The following RAPSN variants were observed in gnomAD, a reference collection of about 807,000 sequenced individuals.
The protein encoded by RAPSN is 43 kDa receptor-associated protein of the synapse.
RAPSN carries 33 observed loss-of-function variants against 45.7 expected under a neutral mutation model. The observed-to-expected ratio is 0.72, with a 90% CI of 0.55 to 0.97. The LOEUF (loss-of-function observed/expected upper bound fraction) is 0.97. Among genes scored for constraint, RAPSN ranks in the 50% least tolerant of loss-of-function variants. The pLI is 0.00. For missense variants in RAPSN, 519 were observed against 559.4 expected (o/e 0.93, Z 0.73); for synonymous variants, 244 against 233.6 (o/e 1.04, Z -0.40).
In RAPSN at chr11:47,441,842, C is replaced by T. The variant is rs200066826; in HGVS notation, c.770G>A (p.Arg257Gln). The T allele has an allele frequency of 3.0e-5, 47 of 1,588,916 alleles. No homozygotes were observed. Among genetic ancestry groups the T allele is most frequent in the African/African-American group, 1.9e-4 (14 of 74,768 alleles). ...LCLLCFADIH[R>Q]SRGDLETAFP... ...CCTCACCTCCAGGTCCCCACGGCTC[C>T]GGTGGATGTCAGCGAAGCAGAGCAG... The change falls in exon 4 of 8, where the codon CGG becomes CAG. Residue 257 changes from arginine (R) to glutamine (Q), a missense_variant. Physicochemically the swap from Arg to Gln is conservative, Grantham distance 43. Transcript: ENST00000298854.
In RAPSN at chr11:47,448,858, C is replaced by G. The variant is rs1429220163; in HGVS notation, c.107G>C (p.Ser36Thr). The G allele has an allele frequency of 6.2e-7, 1 of 1,614,202 alleles. No individual in the cohort carries two copies. Among genetic ancestry groups the G allele is most frequent in the South Asian group, 1.1e-5 (1 of 91,092 alleles). Residue 36 changes from serine to threonine, a missense_variant, in exon 1 of 8, where the codon AGC becomes ACC. Ser to Thr is a moderately conservative substitution (Grantham distance 58, BLOSUM62 1). Coordinates refer to ENST00000298854, the MANE Select transcript of RAPSN (RefSeq NM_005055.5). ...LQVWTKVLEKSSDLMGRFRVL... is the reference protein window; with the variant it reads ...LQVWTKVLEKTSDLMGRFRVL... The stretch of plus-strand genomic sequence containing the variant: ...GCGGAAGCGCCCCATGAGGTCCGAG[C>G]TCTTCTCCAGCACCTTTGTCCACAC...
At chr11:47,447,742 C>T (rs890926357) in intron 2 of RAPSN, 70 bp downstream of exon 2, 1 of 1,492,594 alleles carries the variant, frequency 6.7e-7, no homozygotes, top group Admixed American at 1.9e-5. Context: ...GGTAGTGCCA[C>T]AGGGTGTGTG....
In RAPSN at chr11:47,438,893, A is replaced by C. The variant is rs1248387164; in HGVS notation, c.1005T>G (p.Ile335Met). 1.9e-6 allele frequency: 3 copies of C among 1,564,348 alleles called. No individual in the cohort carries two copies. Among genetic ancestry groups the C allele is most frequent in the Non-Finnish European group, 2.6e-6 (3 of 1,153,946 alleles). The change falls in exon 7 of 8, where the codon ATT becomes ATG. Residue 335 changes from isoleucine to methionine, a missense_variant. By Grantham distance (10) the Ile-to-Met change is conservative (BLOSUM62 1). Transcript: ENST00000298854. ...QLKLHCLSES[I>M]YRSKGLQREL... The stretch of plus-strand genomic sequence containing the variant: ...CCCGCTGCAGCCCTTTGCTGCGGTA[A>C]ATGCTCTCGCTCAGACAGTGCAGCT...
In RAPSN at chr11:47,441,621, G is replaced by T. The variant is rs778113748; in HGVS notation, c.902C>A (p.Ala301Glu). 12 of 1,606,942 alleles carry T rather than the reference G, an allele frequency of 7.5e-6. No homozygotes were observed. The highest frequency in any genetic ancestry group is 1.0e-5 in the Non-Finnish European group (12 of 1,179,618). ...GVAKCWVARK[A>E]LDKALDAIER... Reference sequence around the variant, plus strand: ...AAGGCCCGACCTCACCTTGTCCAGCGCCTTCCTGGCCACCCAGCACTTGGC... The same window carrying T: ...AAGGCCCGACCTCACCTTGTCCAGCTCCTTCCTGGCCACCCAGCACTTGGC... The change falls in exon 5 of 8, where the codon GCG becomes GAG. Residue 301 changes from alanine (A) to glutamate (E), a missense_variant. Coordinates refer to ENST00000298854, the MANE Select transcript of RAPSN (RefSeq NM_005055.5).
intron 2 of RAPSN, among the ~76,000 whole-genome samples, chr11:47,446,077 A>G (rs970560373): frequency 6.6e-6 from 1 of 151,638 alleles, no homozygotes; most frequent in South Asian, 2.1e-4. Context: ...AATAGGTGTG[A>G]GCCACCATGT....
At chr11:47,442,427 A>G (rs2076372656) in intron 3 of RAPSN, among the ~76,000 whole-genome samples, 1 of 152,262 alleles carries the variant, frequency 6.6e-6, no homozygotes, top group African/African-American at 2.4e-5. Flanking sequence ...TGGGAGGCCA[A>G]GACACGAGGA....
intron 3 of RAPSN, 61 bp downstream of exon 3, chr11:47,442,595 G>T: frequency 6.3e-7 from 1 of 1,575,792 alleles, no homozygotes; most frequent in East Asian, 2.3e-5. Flanking sequence ...TGCTGTCCCA[G>T]GCCCCAGCCC....
chr11:47,441,622 C>T lies in RAPSN; in HGVS notation c.901G>A (p.Ala301Thr), dbSNP rs1469320818. The T allele has an allele frequency of 9.3e-6, 15 of 1,607,194 alleles. No homozygotes were observed. The highest frequency in any genetic ancestry group is 1.3e-5 in the Non-Finnish European group (15 of 1,179,658). ...GVAKCWVARK[A>T]LDKALDAIER... ...AGGCCCGACCTCACCTTGTCCAGCG[C>T]CTTCCTGGCCACCCAGCACTTGGCC... Residue 301 changes from alanine to threonine, a missense_variant, in exon 5 of 8, where the codon GCG becomes ACG. Coordinates refer to ENST00000298854, the MANE Select transcript of RAPSN (RefSeq NM_005055.5).
chr11:47,447,799 G>T lies in RAPSN; in HGVS notation c.531+13C>A. The T allele has an allele frequency of 6.2e-7, 1 of 1,606,188 alleles. No individual in the cohort carries two copies. Among genetic ancestry groups the T allele is most frequent in the South Asian group, 1.1e-5 (1 of 89,780 alleles). On this transcript the variant is annotated intron_variant, in intron 2 of 7. Transcript: ENST00000298854. ...AAACCCTCCACTGCTGTCCCCCTGG[G>T]GTGCAGGCCCACCTTGACCTGGGCA...
chr11:47,442,433 G>A (rs930027118), intron 3 of RAPSN, among the ~76,000 whole-genome samples: 4 of 152,226 alleles, frequency 2.6e-5, no homozygotes, highest in South Asian at 2.1e-4. Context: ...GCCAAGACAC[G>A]AGGATCGCTT....
At chr11:47,447,709 T>TCC (rs2076418961) in intron 2 of RAPSN, 103 bp downstream of exon 2, 1 of 1,319,886 alleles carries the variant, frequency 7.6e-7, no homozygotes, top group African/African-American at 1.5e-5. Context: ...TCCTCAGCCC[T>TCC]CCCTAAAAGG....
rs1189726418 is a variant in RAPSN, at chr11:47,447,800, G to A, written c.531+12C>T. ...AACCCTCCACTGCTGTCCCCCTGGG[G>A]TGCAGGCCCACCTTGACCTGGGCAT... On this transcript the variant is annotated intron_variant, in intron 2 of 7. Transcript: ENST00000298854. 1 of 1,606,498 alleles carries A rather than the reference G, an allele frequency of 6.2e-7. No homozygotes were observed. Among genetic ancestry groups the A allele is most frequent in the South Asian group, 1.1e-5 (1 of 89,846 alleles).
At chr11:47,439,514 A>G (rs1470670645) in intron 6 of RAPSN, among the ~76,000 whole-genome samples, 1 of 152,114 alleles carries the variant, frequency 6.6e-6, no homozygotes, top group East Asian at 1.9e-4. Context: ...TGTTTTTATT[A>G]ATTAAATATA....
chr11:47,442,922 G>A (rs754052937), intron 2 of RAPSN, 108 bp from the exon 3 acceptor site: 35 of 1,550,186 alleles, frequency 2.3e-5, no homozygotes, highest in Non-Finnish European at 2.5e-5. Context: ...CAGGGGGCCC[G>A]AGTGTCTGCT....
intron 2 of RAPSN, among the ~76,000 whole-genome samples, chr11:47,446,870 A>C (rs1595901878): frequency 6.6e-6 from 1 of 152,114 alleles, no homozygotes; most frequent in Non-Finnish European, 1.5e-5. Flanking sequence ...GCACCACTGC[A>C]CTCCAGCCTG....
At chr11:47,444,940 T>C (rs2076393255) in intron 2 of RAPSN, among the ~76,000 whole-genome samples, 1 of 148,150 alleles carries the variant, frequency 6.7e-6, no homozygotes, top group South Asian at 2.1e-4. Flanking sequence ...AATAATTATT[T>C]TGGCCGGGCG....
intron 7 of RAPSN, chr11:47,438,440 A>G: frequency 1.8e-6 from 1 of 569,704 alleles, no homozygotes; most frequent in Non-Finnish European, 3.1e-6. Context: ...CTCCTGCCTC[A>G]GCCTCCCGAG....
In RAPSN at chr11:47,441,888, G is replaced by A. The variant is rs1005550058; in HGVS notation, c.724C>T (p.Arg242Trp). ...AGCAGGCAGAGCGCCTGCAGTGGCC[G>A]GTCCCCGTGCTGCAGCGCGATCTTC... ...SMKIALQHGD[R>W]PLQALCLLCF... Residue 242 changes from arginine to tryptophan, a missense_variant, in exon 4 of 8, where the codon CGG (arginine) becomes TGG (tryptophan). Physicochemically the swap from Arg to Trp is moderately radical, Grantham distance 101. Coordinates refer to ENST00000298854, the MANE Select transcript of RAPSN (RefSeq NM_005055.5). The A allele has an allele frequency of 1.8e-5, 28 of 1,592,442 alleles. No homozygotes were observed. In the Admixed American group the frequency reaches 1.9e-4, roughly 11 times the overall value.
intron 2 of RAPSN, among the ~76,000 whole-genome samples, chr11:47,444,731 GC>G (rs2076391162): frequency 6.6e-6 from 1 of 151,310 alleles, no homozygotes. Flanking sequence ...GGTGACAAGT[GC>G]CTGTGGTCCC....
Sources: gnomAD v4.1 joint callset for allele counts (sites outside exome capture counted in the v4.1 genomes callset) on GRCh38, gnomAD v4.1.1 for gene constraint, MANE v1.5 for transcripts, NCBI Gene and HGNC (gene_info 2026-07-23, HGNC 2026-07-21) for gene names.